RAB27B: variants seen among roughly 807,000 people sequenced by gnomAD.
RAB27B encodes RAB27B, member RAS oncogene family.
In RAB27B, 15 loss-of-function variants were observed where a neutral mutation model predicts 24.6. The observed-to-expected ratio is 0.61, with a 90% confidence interval of 0.41 to 0.94. RAB27B has a LOEUF of 0.94. Ranked by LOEUF, RAB27B falls within the 40% of genes least tolerant of loss-of-function variation. The pLI, the probability that RAB27B is intolerant of heterozygous loss-of-function variation, is 0.00. For missense variants in RAB27B, 261 were observed against 266.8 expected, an observed-to-expected ratio of 0.98 and a Z score of 0.15; for synonymous variants, 105 against 92.5, an observed-to-expected ratio of 1.14 and a Z score of -0.78.
chr18:54,819,821 G>GC (rs1910246018), intron 2 of RAB27B, among the ~76,000 whole-genome samples: 1 of 137,900 alleles, frequency 7.3e-6, no homozygotes, highest in Admixed American at 8.5e-5. Flanking sequence ...CTTCCTGTGT[G>GC]CATGTATTCT....
chr18:54,740,678 T>C (rs1335380967), intron 2 of RAB27B, among the ~76,000 whole-genome samples: 2 of 152,218 alleles, frequency 1.3e-5, no homozygotes, highest in East Asian at 1.9e-4. Flanking sequence ...TAGGTATACA[T>C]GCTGGATCAG....
At chr18:54,722,472 A>G (rs1402092847) in intron 2 of RAB27B, among the ~76,000 whole-genome samples, 1 of 152,154 alleles carries the variant, frequency 6.6e-6, no homozygotes, top group Non-Finnish European at 1.5e-5. Flanking sequence ...TAGCCTCTGG[A>G]AGGACTGTGC....
intron 2 of RAB27B, among the ~76,000 whole-genome samples, chr18:54,723,678 CAGAT>C (rs1351035084): frequency 2.0e-5 from 3 of 152,142 alleles, no homozygotes; most frequent in African/African-American, 7.2e-5. Flanking sequence ...GATAGATAAA[CAGAT>C]AGATAAAATC....
chr18:54,863,591 T>C (rs965995830), intron 1 of RAB27B, among the ~76,000 whole-genome samples: 6 of 152,200 alleles, frequency 3.9e-5, no homozygotes, highest in African/African-American at 1.4e-4. Context: ...TGCACAAAGT[T>C]GTGCCACCAT....
Position 54,889,519 on chromosome 18 carries a change from CT to C in RAB27B, c.*109del. The C allele has an allele frequency of 2.0e-6, 2 of 1,004,574 alleles. No individual in the cohort carries two copies. Among genetic ancestry groups the C allele is most frequent in the South Asian group, 4.1e-5 (2 of 49,080 alleles). The allele number at this position is 1,004,574 out of a possible 1,614,324, so 62.2% of individuals were successfully genotyped here. A position where few individuals can be genotyped will look rare whatever the true frequency, so the allele number is the denominator to read the frequency against. On this transcript the variant is annotated 3_prime_UTR_variant, in exon 6 of 6. Transcript: ENST00000262094. ...GAGTAAACCACGCACAATGGCATGT[CT>C]TTCTTTTTCTGCCAGAAAATCTATT... is the stretch of plus-strand genomic sequence containing the variant.
chr18:54,879,686 T>C lies in RAB27B; in HGVS notation c.239+232T>C, dbSNP rs1912843932. On this transcript the variant is annotated intron_variant, in intron 3 of 5. Coordinates refer to ENST00000262094, the MANE Select transcript of RAB27B (RefSeq NM_004163.4). ...AGACTTTCAAAAATCTCTCTGAAGA[T>C]TCTTGCTATGCACTGTCTTTGCACT... The C allele has an allele frequency of 8.4e-6, 4 of 474,628 alleles. No individual in the cohort carries two copies. The East Asian group carries it at 1.3e-4, about 16-fold the overall frequency. The allele number at this position is 474,628 out of a possible 1,614,324, so 29.4% of individuals were successfully genotyped here.
intron 2 of RAB27B, among the ~76,000 whole-genome samples, chr18:54,736,884 A>G (rs1027273733): frequency 2.0e-5 from 3 of 152,196 alleles, no homozygotes; most frequent in Non-Finnish European, 2.9e-5. Flanking sequence ...CAAATAAGCT[A>G]TGTTTTGCCA....
intron 2 of RAB27B, among the ~76,000 whole-genome samples, chr18:54,752,459 G>C (rs892912365): frequency 2.0e-5 from 3 of 152,196 alleles, no homozygotes; most frequent in Non-Finnish European, 4.4e-5. Context: ...TTGCTGTAAA[G>C]TAAGAAAACA....
At chr18:54,727,979 A>G (rs1041507557) in intron 2 of RAB27B, among the ~76,000 whole-genome samples, 1 of 152,176 alleles carries the variant, frequency 6.6e-6, no homozygotes, top group African/African-American at 2.4e-5. Context: ...ACTCTGCATA[A>G]AATACGGCAG....
At chr18:54,876,615 T>A (rs1912713481) in intron 1 of RAB27B, among the ~76,000 whole-genome samples, 1 of 152,076 alleles carries the variant, frequency 6.6e-6, no homozygotes, top group Non-Finnish European at 1.5e-5. Flanking sequence ...AGTAGGTAAT[T>A]GTGTCATTCA....
intron 2 of RAB27B, among the ~76,000 whole-genome samples, chr18:54,724,668 C>T (rs1909473762): frequency 6.6e-6 from 1 of 151,456 alleles, no homozygotes; most frequent in Admixed American, 6.6e-5. Context: ...CCGCTGCATT[C>T]TAGCCTGGGT....
intron 2 of RAB27B, among the ~76,000 whole-genome samples, chr18:54,742,508 A>T (rs927630251): frequency 2.0e-5 from 3 of 152,200 alleles, no homozygotes; most frequent in African/African-American, 7.2e-5. Context: ...ATCATTTGTA[A>T]TTTATTTACT....
chr18:54,795,205 C>T (rs746032982), intron 2 of RAB27B, among the ~76,000 whole-genome samples: 2 of 152,134 alleles, frequency 1.3e-5, no homozygotes, highest in African/African-American at 2.4e-5. Context: ...TAGCTTGAGC[C>T]CCCCCACACC....
At chr18:54,788,104 G>A (rs1348830684) in intron 2 of RAB27B, among the ~76,000 whole-genome samples, 6 of 152,086 alleles carry the variant, frequency 3.9e-5, no homozygotes, top group Admixed American at 3.3e-4. Context: ...TCTCAGCAAG[G>A]CCAGACAAAA....
chr18:54,739,552 C>CTT (rs543711683), intron 2 of RAB27B, among the ~76,000 whole-genome samples: 1,526 of 134,986 alleles, frequency 0.011, 32 homozygotes, highest in African/African-American at 0.04. Context: ...TTTTTTCTTT[C>CTT]TTTTTTTTTT....
At chr18:54,814,246 C>T (rs1910055276) in intron 2 of RAB27B, among the ~76,000 whole-genome samples, 1 of 152,224 alleles carries the variant, frequency 6.6e-6, no homozygotes, top group African/African-American at 2.4e-5. Flanking sequence ...GTCACAGTTA[C>T]TATTCATCTT....
rs564257140 is a variant in RAB27B at position 54,810,194 on chromosome 18, C to A, written c.-19-67373C>A. The stretch of plus-strand genomic sequence containing the variant: ...TCTTTCCTTTAAAGGGTATTTATGC[C>A]TACTTTTGTGTGTATATTTTCTTGG... On this transcript the variant is annotated intron_variant, in intron 2 of 4. Transcript: ENST00000586570. Among the ~76,000 whole-genome samples, 32 of 152,146 alleles carry A rather than the reference C, an allele frequency of 2.1e-4. No homozygotes were observed. In the South Asian group the frequency reaches 3.1e-3, roughly 15 times the overall value.
chr18:54,814,964 T>G (rs2145155485), intron 2 of RAB27B, among the ~76,000 whole-genome samples: 1 of 152,288 alleles, frequency 6.6e-6, no homozygotes, highest in Non-Finnish European at 1.5e-5. Flanking sequence ...CATCCTTTAT[T>G]TCACAACCAC....
intron 2 of RAB27B, among the ~76,000 whole-genome samples, chr18:54,804,910 CTTTCTTTCTTTCTTTCTTTCT>C (rs1246192810): frequency 2.6e-5 from 3 of 114,876 alleles, no homozygotes; most frequent in Non-Finnish European, 3.5e-5. Context: ...CTCTCTCTTT[CTTTCTTTCTTTCTTTCTTTCT>C]TTCTTTCTTT....
Sources: gnomAD v4.1 joint callset for allele counts (sites outside exome capture counted in the v4.1 genomes callset) on GRCh38, gnomAD v4.1.1 for gene constraint, MANE v1.5 for transcripts, NCBI Gene and HGNC (gene_info 2026-07-23, HGNC 2026-07-21) for gene names.